SLC25A40: variants seen among roughly 807,000 people sequenced by gnomAD.
The protein encoded by SLC25A40 is mitochondrial glutathione transporter SLC25A40.
Under a neutral mutation model 46.5 loss-of-function variants are expected in SLC25A40, and 41 were observed. The observed-to-expected ratio is 0.88, with a 90% CI of 0.69 to 1.14. SLC25A40 has a LOEUF of 1.14. SLC25A40 is among the 50% of genes most tolerant of loss of function. The pLI is 0.00. For missense variants in SLC25A40, 386 were observed against 393.6 expected (o/e 0.98, Z 0.16); for synonymous variants, 126 against 127.5 (o/e 0.99, Z 0.08).
rs1343210720 is a variant in SLC25A40, at chr7:87,836,044, C to T, written c.*205G>A. The stretch of plus-strand genomic sequence containing the variant: ...CAAGAATGCTCAATGGTGGTGATTT[C>T]TAGAATATCTTTTTCAATATCACCA... On this transcript the variant is annotated 3_prime_UTR_variant, in exon 12 of 12. Transcript: ENST00000341119. 1 of 423,342 alleles carries T rather than the reference C, an allele frequency of 2.4e-6. No homozygotes were observed. 26.2% of individuals were successfully genotyped at this position (423,342 alleles called of 1,614,324 possible). A position where few individuals can be genotyped will look rare whatever the true frequency, so the allele number is the denominator to read the frequency against.
At chr7:87,864,951 T>A (rs1473551611) in intron 1 of SLC25A40, among the ~76,000 whole-genome samples, 1 of 151,842 alleles carries the variant, frequency 6.6e-6, no homozygotes, top group Non-Finnish European at 1.5e-5. Flanking sequence ...ATGTTTTGAT[T>A]TGTTGATTTT....
Position 87,833,573 on chromosome 7 carries a change from G to A in SLC25A40, c.*2676C>T, listed in dbSNP as rs1204486510. The A allele has an allele frequency of 1.3e-5, 2 of 151,826 alleles. No individual in the cohort carries two copies. The highest frequency in any genetic ancestry group is 2.9e-5 in the Non-Finnish European group (2 of 67,948). 9.4% of individuals were successfully genotyped at this position (151,826 alleles called of 1,614,324 possible). A position where few individuals can be genotyped will look rare whatever the true frequency, so the allele number is the denominator to read the frequency against. On this transcript the variant is annotated 3_prime_UTR_variant, in exon 12 of 12. Coordinates refer to ENST00000341119, the MANE Select transcript of SLC25A40 (RefSeq NM_018843.4). ...AAATGTTGACAGATTAAATATAAAA[G>A]CAGTAATATCTTTTATTTAAAAAGT...
intron 1 of SLC25A40, among the ~76,000 whole-genome samples, chr7:87,868,950 T>G (rs1838850095): frequency 6.6e-6 from 1 of 152,202 alleles, no homozygotes; most frequent in Non-Finnish European, 1.5e-5. Context: ...ACCCTAAAGC[T>G]ATCAGTCAGT....
chr7:87,870,624 A>G (rs528778930), intron 1 of SLC25A40, among the ~76,000 whole-genome samples: 1 of 152,240 alleles, frequency 6.6e-6, no homozygotes, highest in Non-Finnish European at 1.5e-5. Flanking sequence ...CATAAAAACC[A>G]CAGGCTCAGC....
intron 1 of SLC25A40, among the ~76,000 whole-genome samples, chr7:87,873,888 A>G (rs576194705): frequency 9.8e-4 from 149 of 152,320 alleles, no homozygotes; most frequent in African/African-American, 3.4e-3. Flanking sequence ...TCTTGAACAA[A>G]GTTTCTCACC....
chr7:87,866,264 CTT>C (rs926834979), intron 1 of SLC25A40, among the ~76,000 whole-genome samples: 14 of 152,064 alleles, frequency 9.2e-5, no homozygotes, highest in African/African-American at 3.4e-4. Flanking sequence ...CTAGGAAAGA[CTT>C]TATCTGGCCT....
intron 10 of SLC25A40, among the ~76,000 whole-genome samples, chr7:87,838,611 T>C (rs561067187): frequency 3.3e-5 from 5 of 151,670 alleles, no homozygotes; most frequent in African/African-American, 1.2e-4. Context: ...AAGCCCTCTA[T>C]ATATTCCTCC....
intron 1 of SLC25A40, among the ~76,000 whole-genome samples, chr7:87,864,073 G>A (rs1340260366): frequency 6.6e-6 from 1 of 152,206 alleles, no homozygotes. Context: ...GTAAATGTCA[G>A]TTAGGGCTGT....
Position 87,849,877 on chromosome 7 carries a change from T to C in SLC25A40, c.332+4A>G. On this transcript the variant is annotated splice_donor_region_variant and intron_variant, in intron 6 of 11. Transcript: ENST00000341119. ...AGTAGAAAAAACATTAAATTTCAAC[T>C]TACAGGGTAGGAGGAAGGCCACTCC... is the stretch of plus-strand genomic sequence containing the variant. 6.4e-7 allele frequency: 1 copy of C among 1,570,412 alleles called. No individual in the cohort carries two copies.
chr7:87,858,126 C>T (rs1403340470), intron 3 of SLC25A40, among the ~76,000 whole-genome samples: 2 of 152,192 alleles, frequency 1.3e-5, no homozygotes, highest in African/African-American at 4.8e-5. Flanking sequence ...AATTTGAGGT[C>T]AGACTGGATC....
chr7:87,873,096 C>A (rs75441545), intron 1 of SLC25A40, among the ~76,000 whole-genome samples: 3 of 151,972 alleles, frequency 2.0e-5, no homozygotes, highest in Admixed American at 6.5e-5. Context: ...TTTCAGAAGA[C>A]GACATATCAA....
At chr7:87,844,253 C>T (rs1254780254) in intron 8 of SLC25A40, among the ~76,000 whole-genome samples, 2 of 151,954 alleles carry the variant, frequency 1.3e-5, no homozygotes, top group Non-Finnish European at 2.9e-5. Context: ...GTTGGGTTAC[C>T]CCAGAAATGC....
chr7:87,842,844 A>T (rs1838355731), intron 9 of SLC25A40, among the ~76,000 whole-genome samples: 1 of 152,054 alleles, frequency 6.6e-6, no homozygotes, highest in Non-Finnish European at 1.5e-5. Context: ...ACAATAGAGG[A>T]CTTTCCTTCA....
At chr7:87,845,810 A>G (rs1838408215) in intron 8 of SLC25A40, among the ~76,000 whole-genome samples, 1 of 152,218 alleles carries the variant, frequency 6.6e-6, no homozygotes, top group Non-Finnish European at 1.5e-5. Flanking sequence ...ACCACTTTAA[A>G]TTATTAAACA....
intron 1 of SLC25A40, among the ~76,000 whole-genome samples, chr7:87,862,854 T>C (rs910935296): frequency 1.3e-5 from 2 of 152,122 alleles, no homozygotes; most frequent in Non-Finnish European, 2.9e-5. Flanking sequence ...CTCCCCTTAA[T>C]AGAACTATCA....
At chr7:87,843,661 G>C (rs1394575690) in intron 9 of SLC25A40, 93 bp downstream of exon 9, 3 of 871,132 alleles carry the variant, frequency 3.4e-6, no homozygotes, top group East Asian at 5.5e-5. Flanking sequence ...TGCAGCCAAA[G>C]TGGATCTCAA....
rs1391363548 is a variant in SLC25A40 at position 87,836,134 on chromosome 7, T to G, written c.*115A>C. On this transcript the variant is annotated 3_prime_UTR_variant, in exon 12 of 12. Coordinates refer to ENST00000341119, the MANE Select transcript of SLC25A40 (RefSeq NM_018843.4). ...GTAGAGCTGAAATTATTTATTTAAA[T>G]TATAGGAAAGAAAGACATAAAATCA... The G allele has an allele frequency of 1.8e-6, 1 of 561,434 alleles. No individual in the cohort carries two copies. The highest frequency in any genetic ancestry group is 2.0e-5 in the African/African-American group (1 of 49,552). The allele number at this position is 561,434 out of a possible 1,614,324, so 34.8% of individuals were successfully genotyped here. A position where few individuals can be genotyped will look rare whatever the true frequency, so the allele number is the denominator to read the frequency against.
intron 3 of SLC25A40, 101 bp from the exon 4 acceptor site, chr7:87,856,452 G>A: frequency 1.1e-6 from 1 of 917,314 alleles, no homozygotes; most frequent in Non-Finnish European, 1.8e-6. Flanking sequence ...TTTTCCTCAT[G>A]GCTATATAAT....
intron 10 of SLC25A40, among the ~76,000 whole-genome samples, chr7:87,838,717 T>A (rs1643243323): frequency 6.6e-6 from 1 of 151,534 alleles, no homozygotes; most frequent in Admixed American, 6.6e-5. Flanking sequence ...TCTAAACATA[T>A]CCAGATGTAT....
Sources: allele counts gnomAD v4.1 joint callset (sites outside exome capture counted in the v4.1 genomes callset), GRCh38; gene constraint gnomAD v4.1.1; transcripts MANE v1.5; gene names NCBI Gene and HGNC (gene_info 2026-07-23, HGNC 2026-07-21).